Variants in CSMD3 observed in about 807,000 individuals in gnomAD.
CSMD3 encodes CUB and Sushi multiple domains 3.
A neutral mutation model predicts 435.2 loss-of-function variants in CSMD3; 177 were observed. The observed-to-expected ratio is 0.41, with a 90% confidence interval of 0.36 to 0.46. The LOEUF (loss-of-function observed/expected upper bound fraction) is 0.46, where lower values mean the gene tolerates loss of function less well. Ranked by LOEUF, CSMD3 falls within the 20% of genes least tolerant of loss-of-function variation. The pLI is 0.34. For synonymous variants in CSMD3, 1,656 were observed against 1,520.5 expected, an observed-to-expected ratio of 1.09 and a Z score of -2.07; for missense variants, 4,265 against 4,504.6, an observed-to-expected ratio of 0.95 and a Z score of 1.52.
Position 112,776,363 on chromosome 8 carries a change from C to G in CSMD3, c.1972+23799G>C, listed in dbSNP as rs567306977. ...TAAATTTTCCTACTAAATAATCCAC[C>G]AAATTATTTTTCTTACGAAAATACA... On this transcript the variant is annotated intron_variant, in intron 13 of 70. Coordinates refer to ENST00000297405, the MANE Select transcript of CSMD3 (RefSeq NM_198123.2). 3.3e-5 allele frequency among the ~76,000 whole-genome samples: 5 copies of G among 151,688 alleles called. No homozygotes were observed. The South Asian group carries it at 1.0e-3, about 32-fold the overall frequency.
chr8:112,545,492 A>AAT (rs1554609813), intron 27 of CSMD3, among the ~76,000 whole-genome samples: 9 of 142,592 alleles, frequency 6.3e-5, no homozygotes, highest in Non-Finnish European at 1.4e-4. Context: ...CAAAAAAAAA[A>AAT]AAAAAAAAAA....
At chr8:112,842,662 A>G (rs1350699350) in intron 11 of CSMD3, among the ~76,000 whole-genome samples, 2 of 151,922 alleles carry the variant, frequency 1.3e-5, no homozygotes, top group Non-Finnish European at 1.5e-5. Flanking sequence ...TTTGGTGGTG[A>G]TCTGTGATTC....
At chr8:113,235,465 G>A (rs914857571) in intron 3 of CSMD3, among the ~76,000 whole-genome samples, 7 of 151,926 alleles carry the variant, frequency 4.6e-5, no homozygotes, top group Non-Finnish European at 2.9e-5. Flanking sequence ...AAACTTACAA[G>A]GACATATTGT....
At chr8:112,819,302 T>G (rs1032126789) in intron 12 of CSMD3, among the ~76,000 whole-genome samples, 6 of 152,234 alleles carry the variant, frequency 3.9e-5, no homozygotes, top group South Asian at 2.1e-4. Flanking sequence ...TGGGTTATGA[T>G]GAATGGAGTT....
At chr8:112,694,252 C>T (rs978489207) in intron 13 of CSMD3, among the ~76,000 whole-genome samples, 3 of 151,944 alleles carry the variant, frequency 2.0e-5, no homozygotes, top group Admixed American at 6.6e-5. Context: ...ATCATAATGG[C>T]TGTTATGCCT....
intron 36 of CSMD3, among the ~76,000 whole-genome samples, chr8:112,386,632 G>A (rs1461316909): frequency 6.6e-6 from 1 of 152,004 alleles, no homozygotes; most frequent in African/African-American, 2.4e-5. Flanking sequence ...CGAGTAGCTG[G>A]GACTACAGGC....
At chr8:113,335,095 C>T (rs1006227156) in intron 1 of CSMD3, among the ~76,000 whole-genome samples, 2 of 152,030 alleles carry the variant, frequency 1.3e-5, no homozygotes, top group Admixed American at 6.6e-5. Context: ...CTCAAGAGAT[C>T]TGATTGTTTA....
intron 12 of CSMD3, among the ~76,000 whole-genome samples, chr8:112,808,524 C>T (rs968958515): frequency 5.3e-5 from 8 of 152,030 alleles, no homozygotes; most frequent in African/African-American, 1.2e-4. Flanking sequence ...TGATAAGATA[C>T]TGTGGCAAGC....
intron 3 of CSMD3, among the ~76,000 whole-genome samples, chr8:113,277,596 G>A (rs960725290): frequency 6.6e-6 from 1 of 151,714 alleles, no homozygotes; most frequent in African/African-American, 2.4e-5. Context: ...ATTATATTTT[G>A]AATTATTATA....
In CSMD3 at chr8:112,636,914, G is replaced by C; in HGVS notation, c.3618C>G (p.Phe1206Leu). The C allele has an allele frequency of 6.2e-7, 1 of 1,613,504 alleles. No individual in the cohort carries two copies. Among genetic ancestry groups the C allele is most frequent in the Non-Finnish European group, 8.5e-7 (1 of 1,179,736 alleles). ...CCAGTCGATAACCCGAAGAGCATGAGAAGGTCAGAGTGTCACCAATCCCAA... is the reference window on the plus strand; with the variant it reads ...CCAGTCGATAACCCGAAGAGCATGACAAGGTCAGAGTGTCACCAATCCCAA... ...FNFGIGDTLTFSCSSGYRLEG... is the reference protein window; with the variant it reads ...FNFGIGDTLTLSCSSGYRLEG... Residue 1206 changes from phenylalanine (F) to leucine (L), a missense_variant, in exon 22 of 71, where the codon TTC (phenylalanine) becomes TTG (leucine). Phe to Leu is a conservative substitution (Grantham distance 22). Around this residue, in one of 3 missense-constraint regions of CSMD3, gnomAD observed 3,255 missense variants for 3,380.2 expected, o/e 0.96. Transcript: ENST00000297405.
chr8:112,539,185 C>T (rs1026212372), intron 27 of CSMD3: 2 of 153,022 alleles, frequency 1.3e-5, no homozygotes, highest in African/African-American at 4.8e-5. Context: ...CTGCTATCCA[C>T]CACTACAGTG....
chr8:112,837,141 T>C (rs1361710695), intron 11 of CSMD3, among the ~76,000 whole-genome samples: 1 of 151,782 alleles, frequency 6.6e-6, no homozygotes, highest in African/African-American at 2.4e-5. Context: ...AACTAATAAA[T>C]ATTACATAAA....
At chr8:113,093,838 T>C (rs540231922) in intron 5 of CSMD3, among the ~76,000 whole-genome samples, 1 of 152,300 alleles carries the variant, frequency 6.6e-6, no homozygotes, top group East Asian at 1.9e-4. Flanking sequence ...ATTGCATTCT[T>C]AATTTGAATA....
At chr8:112,226,969 G>A (rs1046591228) in intron 70 of CSMD3, among the ~76,000 whole-genome samples, 7 of 152,140 alleles carry the variant, frequency 4.6e-5, no homozygotes, top group Admixed American at 2.0e-4. Flanking sequence ...ATCCATTGCC[G>A]ATAGGAATGG....
intron 13 of CSMD3, among the ~76,000 whole-genome samples, chr8:112,765,334 G>A (rs775951765): frequency 1.1e-4 from 17 of 151,456 alleles, no homozygotes; most frequent in African/African-American, 2.4e-4. Context: ...AATACGGAAG[G>A]GCTGGTGGAA....
intron 1 of CSMD3, among the ~76,000 whole-genome samples, chr8:113,351,126 GTTCT>G (rs1285628139): frequency 6.6e-6 from 1 of 152,056 alleles, no homozygotes; most frequent in Non-Finnish European, 1.5e-5. Context: ...ATAGCTTTTA[GTTCT>G]TTATCACAGC....
chr8:112,754,399 G>A lies in CSMD3; in HGVS notation c.1972+45763C>T, dbSNP rs1374226578. ...TTAGGAATATGAAATATGTTAAGAAGAGAACCCAAGCCCTGATTTGGAGAA... is the reference window on the plus strand; with the variant it reads ...TTAGGAATATGAAATATGTTAAGAAAAGAACCCAAGCCCTGATTTGGAGAA... On this transcript the variant is annotated intron_variant, in intron 13 of 70. Transcript: ENST00000297405. Among the ~76,000 whole-genome samples, 3 of 151,938 alleles carry A rather than the reference G, an allele frequency of 2.0e-5. No individual in the cohort carries two copies. The East Asian group carries it at 5.8e-4, about 29-fold the overall frequency.
chr8:113,193,418 A>C (rs2092612661), intron 3 of CSMD3, among the ~76,000 whole-genome samples: 1 of 151,326 alleles, frequency 6.6e-6, no homozygotes, highest in Admixed American at 6.6e-5. Flanking sequence ...AATTCATTAG[A>C]CTTCCAGGAA....
chr8:113,056,032 G>A (rs2088321524), intron 5 of CSMD3, among the ~76,000 whole-genome samples: 2 of 152,150 alleles, frequency 1.3e-5, no homozygotes, highest in African/African-American at 4.8e-5. Context: ...AGAGGATAAG[G>A]TAGTGTTGTC....
Sources: gnomAD v4.1 joint callset for allele counts (sites outside exome capture counted in the v4.1 genomes callset) on GRCh38, gnomAD v4.1.1 for gene constraint, gnomAD v4.1.1 regional missense constraint, MANE v1.5 for transcripts, NCBI Gene and HGNC (gene_info 2026-07-23, HGNC 2026-07-21) for gene names.